The following SPARCL1 variants were observed in gnomAD, a reference collection of about 807,000 sequenced individuals.
The protein encoded by SPARCL1 is SPARC like 1, also known as SPARC-like protein 1.
Under a neutral mutation model 67.1 loss-of-function variants are expected in SPARCL1, and 52 were observed. The observed-to-expected ratio is 0.78, with a 90% CI of 0.62 to 0.98. The LOEUF (loss-of-function observed/expected upper bound fraction) is 0.98, where lower values mean the gene tolerates loss of function less well. SPARCL1 is among the 50% of genes least tolerant of loss of function. The pLI, the probability that SPARCL1 is intolerant of heterozygous loss-of-function variation, is 0.00. For missense variants in SPARCL1, 717 were observed against 782.4 expected, an observed-to-expected ratio of 0.92 and a Z score of 1.00; for synonymous variants, 226 against 267.8, an observed-to-expected ratio of 0.84 and a Z score of 1.52.
chr4:87,526,025 A>G (rs542698293), intron 1 of SPARCL1, among the ~76,000 whole-genome samples: 27 of 152,230 alleles, frequency 1.8e-4, no homozygotes, highest in Middle Eastern at 3.2e-3. Flanking sequence ...CAAAAGCCCT[A>G]TTCTTGCCTT....
At chr4:87,496,778 A>C (rs1724637290) in intron 2 of SPARCL1, among the ~76,000 whole-genome samples, 3 of 152,174 alleles carry the variant, frequency 2.0e-5, no homozygotes, top group African/African-American at 7.2e-5. Context: ...GTAAGTATGA[A>C]ACTGAGATTC....
At chr4:87,512,354 A>T in intron 1 of SPARCL1, among the ~76,000 whole-genome samples, 1 of 152,178 alleles carries the variant, frequency 6.6e-6, no homozygotes, top group Non-Finnish European at 1.5e-5. Context: ...ATAATGGTAA[A>T]CAATGATGAC....
intron 1 of SPARCL1, among the ~76,000 whole-genome samples, chr4:87,523,938 A>G (rs1725929129): frequency 6.6e-6 from 1 of 152,212 alleles, no homozygotes; most frequent in African/African-American, 2.4e-5. Context: ...GGTTTGATTA[A>G]TGACCATTTT....
At chr4:87,484,055 T>C (rs888993947) in intron 7 of SPARCL1, among the ~76,000 whole-genome samples, 1 of 152,202 alleles carries the variant, frequency 6.6e-6, no homozygotes, top group Non-Finnish European at 1.5e-5. Context: ...TGATGATAGT[T>C]TCTTTTGCTG....
At chr4:87,485,669 A>T (rs1724025830) in intron 7 of SPARCL1, among the ~76,000 whole-genome samples, 1 of 152,090 alleles carries the variant, frequency 6.6e-6, no homozygotes, top group Admixed American at 6.5e-5. Flanking sequence ...CCTCTGGTAG[A>T]ATTCAGCTGT....
chr4:87,503,414 T>C (rs958989840), intron 1 of SPARCL1, among the ~76,000 whole-genome samples: 1 of 152,178 alleles, frequency 6.6e-6, no homozygotes. Context: ...TGTTGACACT[T>C]GTCTTCTTTG....
chr4:87,528,661 A>T (rs955741181), intron 1 of SPARCL1: 5 of 152,040 alleles, frequency 3.3e-5, no homozygotes, highest in African/African-American at 4.8e-5. Flanking sequence ...TTTGATTTGA[A>T]ATTTTTTTTA....
Position 87,504,136 on chromosome 4 carries a change from TG to T in SPARCL1, c.-11-4552del, listed in dbSNP as rs1207594749. Among the ~76,000 whole-genome samples, 45 of 6,706 alleles carry T rather than the reference TG, an allele frequency of 6.7e-3. 1 individual carries two copies. Among genetic ancestry groups the T allele is most frequent in the Admixed American group, 0.016 (13 of 824 alleles). 4.4% of individuals were successfully genotyped at this position (6,706 alleles called of 152,430 possible). A position where few individuals can be genotyped will look rare whatever the true frequency, so the allele number is the denominator to read the frequency against. On this transcript the variant is annotated intron_variant, in intron 1 of 10. Coordinates refer to ENST00000282470, the MANE Select transcript of SPARCL1 (RefSeq NM_004684.6). ...CTGCACATAGAAAGTGATTTGGTAT[TG>T]TGTGTGTGTGTGTGTGTGTGTGTGT... is the stretch of plus-strand genomic sequence containing the variant.
At chr4:87,479,802 C>T (rs1043986010) in intron 9 of SPARCL1, among the ~76,000 whole-genome samples, 1 of 152,176 alleles carries the variant, frequency 6.6e-6, no homozygotes, top group South Asian at 2.1e-4. Context: ...TGTCCTTCCC[C>T]CACCCTAAAT....
At chr4:87,483,082 CG>C (rs944851403) in intron 7 of SPARCL1, among the ~76,000 whole-genome samples, 6 of 122,618 alleles carry the variant, frequency 4.9e-5, no homozygotes, top group African/African-American at 1.9e-4. Flanking sequence ...GGATCACTGC[CG>C]TTTTTTTTTT....
At chr4:87,526,460 T>C (rs1429316610) in intron 1 of SPARCL1, among the ~76,000 whole-genome samples, 1 of 152,240 alleles carries the variant, frequency 6.6e-6, no homozygotes. Flanking sequence ...CCAGGTGCTA[T>C]ACTTGGCATT....
chr4:87,496,085 C>G (rs898251101), intron 2 of SPARCL1, among the ~76,000 whole-genome samples: 8 of 152,110 alleles, frequency 5.3e-5, no homozygotes, highest in African/African-American at 1.9e-4. Flanking sequence ...GGCAGTGATG[C>G]ATGATGGGGA....
In SPARCL1 at chr4:87,493,743, G is replaced by T. The variant is rs1312298039; in HGVS notation, c.1057C>A (p.Pro353Thr). ...TAGTCATCACTTGCACTGTGCCTGGGGCCATCAGTGCCGCCATCATCGCCA... is the reference window on the plus strand; with the variant it reads ...TAGTCATCACTTGCACTGTGCCTGGTGCCATCAGTGCCGCCATCATCGCCA... ...DDGDDGGTDG[P>T]RHSASDDYFI... The change falls in exon 4 of 11, where the codon CCC (proline) becomes ACC (threonine). Residue 353 changes from proline to threonine, a missense_variant. Transcript: ENST00000282470. 1.2e-6 allele frequency: 2 copies of T among 1,613,948 alleles called. No individual in the cohort carries two copies. Among genetic ancestry groups the T allele is most frequent in the Non-Finnish European group, 1.7e-6 (2 of 1,180,016 alleles).
Position 87,527,454 on chromosome 4 carries a change from A to G in SPARCL1, c.-12+1591T>C, listed in dbSNP as rs950344118. ...AGTTCTGGATATGGTGCTAAACTTA[A>G]GTAAAATAGCAGTGTTTAAGTCAAC... is the stretch of plus-strand genomic sequence containing the variant. On this transcript the variant is annotated intron_variant, in intron 1 of 10. Coordinates refer to ENST00000282470, the MANE Select transcript of SPARCL1 (RefSeq NM_004684.6). 6.6e-5 allele frequency among the ~76,000 whole-genome samples: 10 copies of G among 152,220 alleles called. 1 individual carries two copies. The highest frequency in any genetic ancestry group is 2.6e-4 in the Admixed American group (4 of 15,274).
chr4:87,478,583 G>A (rs934623273), intron 10 of SPARCL1, among the ~76,000 whole-genome samples: 14 of 151,736 alleles, frequency 9.2e-5, no homozygotes, highest in Admixed American at 4.6e-4. Context: ...GATTACAGGC[G>A]TGTGCCACCA....
At chr4:87,506,763 TATATCTCTATCTATCTATC>T (rs1318173802) in intron 1 of SPARCL1, among the ~76,000 whole-genome samples, 47 of 106,766 alleles carry the variant, frequency 4.4e-4, no homozygotes, top group East Asian at 1.0e-3. Context: ...CCTCATTATC[TATATCTCTATCTATCTATC>T]ATCTATCTAT....
chr4:87,523,158 G>T (rs1245533220), intron 1 of SPARCL1, among the ~76,000 whole-genome samples: 1 of 152,042 alleles, frequency 6.6e-6, no homozygotes, highest in Non-Finnish European at 1.5e-5. Flanking sequence ...CCACTCAGGA[G>T]GCTGAGGCAG....
At chr4:87,512,090 G>T (rs1013385336) in intron 1 of SPARCL1, among the ~76,000 whole-genome samples, 19 of 150,900 alleles carry the variant, frequency 1.3e-4, no homozygotes, top group African/African-American at 4.4e-4. Context: ...TCAGCCTCCT[G>T]AGTAGCTGGG....
In SPARCL1 at chr4:87,529,318, GA is replaced by G. The variant is rs1726180090; in HGVS notation, c.-286del. The G allele has an allele frequency of 6.6e-6, 1 of 152,164 alleles. No homozygotes were observed. Among genetic ancestry groups the G allele is most frequent in the Admixed American group, 6.6e-5 (1 of 15,260 alleles). The allele number at this position is 152,164 out of a possible 1,614,324, so 9.4% of individuals were successfully genotyped here. A position where few individuals can be genotyped will look rare whatever the true frequency, so the allele number is the denominator to read the frequency against. On this transcript the variant is annotated 5_prime_UTR_variant, in exon 1 of 11. An upstream open reading frame in the 5' UTR gains an earlier in-frame stop. Transcript: ENST00000282470. ...TCAGACTGTCATCGTTTTTGTTGCA[GA>G]TTCCTGGATTTCCCTAGCAGGCTGG...
Sources: gnomAD v4.1 joint callset for allele counts (sites outside exome capture counted in the v4.1 genomes callset) on GRCh38, gnomAD v4.1.1 for gene constraint, MANE v1.5 for transcripts, NCBI Gene and HGNC (gene_info 2026-07-23, HGNC 2026-07-21) for gene names.